Variants in DPP6 observed in about 807,000 individuals in gnomAD.
DPP6 encodes A-type potassium channel modulatory protein DPP6.
In DPP6, 69 loss-of-function variants were observed where a neutral mutation model predicts 122.6. The observed-to-expected ratio is 0.56, with a 90% CI of 0.46 to 0.69. DPP6 has a LOEUF of 0.69. Among genes scored for constraint, DPP6 ranks in the 30% least tolerant of loss-of-function variants. The pLI is 0.00. For missense variants in DPP6, 928 were observed against 1,116.9 expected (o/e 0.83, Z 2.41); for synonymous variants, 418 against 433.1 (o/e 0.97, Z 0.43).
chr7:154,349,199 G>A (rs1377525204), intron 1 of DPP6, among the ~76,000 whole-genome samples: 22 of 152,082 alleles, frequency 1.4e-4, no homozygotes, highest in Non-Finnish European at 5.9e-5. Flanking sequence ...TTTTTGAGAC[G>A]GAGTCTCGCT....
rs1461357879 is a variant in DPP6, at chr7:154,481,722, C to T, written c.457+6685C>T. Reference sequence around the variant, plus strand: ...TCCAGCCCACTCGCTCTCCTCTCCGCGTCCACTTGTGATCACTCCTAGTCA... The same window carrying T: ...TCCAGCCCACTCGCTCTCCTCTCCGTGTCCACTTGTGATCACTCCTAGTCA... On this transcript the variant is annotated intron_variant, in intron 3 of 25. Transcript: ENST00000377770. The surrounding 1 kb of genome is among the most constrained non-coding windows in gnomAD (Gnocchi z 4.2). Among the ~76,000 whole-genome samples the T allele has an allele frequency of 8.5e-5, 13 of 152,156 alleles. No homozygotes were observed. The highest frequency in any genetic ancestry group is 1.7e-4 in the African/African-American group (7 of 41,444).
chr7:154,624,493 A>G lies in DPP6; in HGVS notation c.628-13328A>G, dbSNP rs1465399896. ...CTCTGTCTCAACAAACAAACAAACA[A>G]ACAAAAAATATATGCAGAGAAGAGA... On this transcript the variant is annotated intron_variant, in intron 5 of 25. Coordinates refer to ENST00000377770, the MANE Select transcript of DPP6 (RefSeq NM_130797.4). This position sits in a 1 kb window ranked among gnomAD's most constrained non-coding sequence, Gnocchi z 4.7. 6.6e-6 allele frequency among the ~76,000 whole-genome samples: 1 copy of G among 152,136 alleles called. No homozygotes were observed. Among genetic ancestry groups the G allele is most frequent in the East Asian group, 1.9e-4 (1 of 5,182 alleles).
intron 1 of DPP6, among the ~76,000 whole-genome samples, chr7:153,904,386 T>G (rs1203305231): frequency 6.6e-6 from 1 of 152,158 alleles, no homozygotes; most frequent in African/African-American, 2.4e-5. Context: ...CATCTTTCAA[T>G]TTTTTACACT....
chr7:154,107,306 A>T (rs1305522083), intron 1 of DPP6, among the ~76,000 whole-genome samples: 3 of 152,244 alleles, frequency 2.0e-5, no homozygotes, highest in Non-Finnish European at 2.9e-5. Context: ...AACCTGGAGG[A>T]CATTGTGTTA....
chr7:154,182,489 A>G (rs961868908), intron 1 of DPP6, among the ~76,000 whole-genome samples: 2 of 152,142 alleles, frequency 1.3e-5, no homozygotes, highest in Admixed American at 1.3e-4. Context: ...GCTTCCTTCT[A>G]GAACCTGTTG....
At chr7:154,843,958 G>C (rs1801761068) in intron 16 of DPP6, among the ~76,000 whole-genome samples, 1 of 152,240 alleles carries the variant, frequency 6.6e-6, no homozygotes, top group South Asian at 2.1e-4. Flanking sequence ...ATTTCTGTCT[G>C]TTTCCCCAGC....
intron 1 of DPP6, among the ~76,000 whole-genome samples, chr7:153,911,039 T>G (rs1198282421): frequency 6.6e-6 from 1 of 152,186 alleles, no homozygotes; most frequent in African/African-American, 2.4e-5. Flanking sequence ...ACGGGTCAGA[T>G]TACTTCACTC....
chr7:154,135,003 G>T (rs1410617164), intron 1 of DPP6, among the ~76,000 whole-genome samples: 2 of 152,040 alleles, frequency 1.3e-5, no homozygotes, highest in African/African-American at 4.8e-5. Context: ...CACTTCCTGT[G>T]AGTGAACACT....
chr7:154,355,074 T>C (rs935895838), intron 1 of DPP6, among the ~76,000 whole-genome samples: 1 of 152,232 alleles, frequency 6.6e-6, no homozygotes, highest in African/African-American at 2.4e-5. Context: ...TAGGATCCCA[T>C]TGTCATTTTG....
At chr7:154,828,766 A>C (rs370124704) in intron 16 of DPP6, among the ~76,000 whole-genome samples, 2 of 152,188 alleles carry the variant, frequency 1.3e-5, no homozygotes, top group Non-Finnish European at 2.9e-5. Context: ...CTCCACAAGG[A>C]CCATCTTCCA....
intron 1 of DPP6, among the ~76,000 whole-genome samples, chr7:154,064,555 G>C (rs1264603939): frequency 6.6e-6 from 1 of 152,140 alleles, no homozygotes; most frequent in Non-Finnish European, 1.5e-5. Flanking sequence ...CTTTAGAACT[G>C]AAGACCAGAG....
At chr7:154,595,312 A>G (rs1833030097) in intron 5 of DPP6, among the ~76,000 whole-genome samples, 1 of 152,078 alleles carries the variant, frequency 6.6e-6, no homozygotes, top group Non-Finnish European at 1.5e-5. Context: ...ACTGTGCTTT[A>G]GAGAAAGAGT....
chr7:154,302,387 A>G (rs1406468097), intron 1 of DPP6, among the ~76,000 whole-genome samples: 4 of 152,196 alleles, frequency 2.6e-5, no homozygotes, highest in South Asian at 4.1e-4. Flanking sequence ...AAAAACAGCC[A>G]AAGTCAAGTA....
chr7:154,302,082 G>T (rs1387983111), intron 1 of DPP6, among the ~76,000 whole-genome samples: 1 of 152,104 alleles, frequency 6.6e-6, no homozygotes, highest in Admixed American at 6.5e-5. Context: ...GATTTTTAGT[G>T]TGCAAGTTAT....
At chr7:153,790,278 G>T in the DPP6 span, among the ~76,000 whole-genome samples, 1 of 152,078 alleles carries the variant, frequency 6.6e-6, no homozygotes, top group Non-Finnish European at 1.5e-5. Context: ...TAGAGAATTT[G>T]TGTTGACCTC....
the DPP6 span, among the ~76,000 whole-genome samples, chr7:153,870,306 G>A: frequency 2.6e-5 from 4 of 152,096 alleles, no homozygotes; most frequent in African/African-American, 9.7e-5. Context: ...TGTAGATTTG[G>A]TCTTTTCACA....
At chr7:154,232,485 G>C (rs1267880016) in intron 1 of DPP6, among the ~76,000 whole-genome samples, 1 of 152,188 alleles carries the variant, frequency 6.6e-6, no homozygotes, top group African/African-American at 2.4e-5. Context: ...GTCTGGATTG[G>C]AATGGTGTTA....
chr7:154,154,003 G>A (rs1321511322), intron 1 of DPP6, among the ~76,000 whole-genome samples: 6 of 152,076 alleles, frequency 3.9e-5, no homozygotes, highest in East Asian at 1.9e-4. Flanking sequence ...TTTGTTCCTC[G>A]ATCAGCCCAA....
rs564032295 is a variant in DPP6, at chr7:154,345,574, G to C, written c.244-100640G>C. Among the ~76,000 whole-genome samples, 5 of 152,130 alleles carry C rather than the reference G, an allele frequency of 3.3e-5. No homozygotes were observed. In the South Asian group the frequency reaches 1.0e-3, roughly 32 times the overall value. ...AGCAGATAGAGGTGGATTTCCCAAG[G>C]TGGAAATCCTAAGGTGGATTTGCTT... On this transcript the variant is annotated intron_variant, in intron 1 of 25. Transcript: ENST00000377770.
Sources: allele counts gnomAD v4.1 joint callset (sites outside exome capture counted in the v4.1 genomes callset), GRCh38; gene constraint gnomAD v4.1.1; non-coding constraint Gnocchi (gnomAD v3.1); transcripts MANE v1.5; gene names NCBI Gene and HGNC (gene_info 2026-07-23, HGNC 2026-07-21).